KSR1: variants seen among roughly 807,000 people sequenced by gnomAD.
The protein encoded by KSR1 is kinase suppressor of ras.
A neutral mutation model predicts 92.9 loss-of-function variants in KSR1; 35 were observed. The observed-to-expected ratio is 0.38, with a 90% CI of 0.29 to 0.50. The LOEUF (loss-of-function observed/expected upper bound fraction) is 0.50. Ranked by LOEUF, KSR1 falls within the 20% of genes least tolerant of loss-of-function variation. The pLI is 0.94. For missense variants in KSR1, 972 were observed against 1,158.5 expected (o/e 0.84, Z 2.34); for synonymous variants, 467 against 472.6 (o/e 0.99, Z 0.15).
At position 27,592,538 on chromosome 17, in the gene KSR1, C is replaced by T. The variant is rs1296189884; in HGVS notation, c.1211C>T (p.Thr404Ile). The stretch of plus-strand genomic sequence containing the variant: ...CAAACAGTAACTCGGCTTCGGAGGA[C>T]AGAATCTGTCCCCTCGGACATCAAC... ...SFLPLTRLRR[T>I]ESVPSDINNP... Residue 404 changes from threonine (T) to isoleucine (I), a missense_variant, in exon 9 of 21, where the codon ACA becomes ATA. Around this residue, in one of 5 missense-constraint regions of KSR1, gnomAD observed 611 missense variants for 668.0 expected, o/e 0.91. Transcript: ENST00000644974. The T allele has an allele frequency of 6.2e-7, 1 of 1,613,994 alleles. No individual in the cohort carries two copies. Among genetic ancestry groups the T allele is most frequent in the Non-Finnish European group, 8.5e-7 (1 of 1,179,878 alleles).
At chr17:27,571,351 A>G (rs1366755792) in intron 2 of KSR1, among the ~76,000 whole-genome samples, 1 of 152,202 alleles carries the variant, frequency 6.6e-6, no homozygotes, top group Non-Finnish European at 1.5e-5. Context: ...CTCCCTCTCC[A>G]TGAGCCCCAA....
chr17:27,460,435 C>G (rs138460921), intron 1 of KSR1, among the ~76,000 whole-genome samples: 1 of 152,284 alleles, frequency 6.6e-6, no homozygotes, highest in Non-Finnish European at 1.5e-5. Flanking sequence ...GAGAAAAATC[C>G]CTCCTAAGCA....
chr17:27,484,286 C>T (rs138813773), intron 1 of KSR1, among the ~76,000 whole-genome samples: 1 of 152,340 alleles, frequency 6.6e-6, no homozygotes, highest in East Asian at 1.9e-4. Context: ...GGCTGGAGTG[C>T]AGTGGCACAA....
chr17:27,608,877 G>C (rs1450389849), intron 15 of KSR1, among the ~76,000 whole-genome samples: 1 of 152,052 alleles, frequency 6.6e-6, no homozygotes, highest in Non-Finnish European at 1.5e-5. Context: ...CACTGTCCCT[G>C]ACCCCCCGGC....
At chr17:27,527,028 G>T in intron 1 of KSR1, 1 of 481,050 alleles carries the variant, frequency 2.1e-6, no homozygotes, top group Non-Finnish European at 3.9e-6. Flanking sequence ...TTTGAAATCC[G>T]GCAGGGACAG....
chr17:27,617,405 T>A lies in KSR1; in HGVS notation c.2604T>A (p.Pro868=). ...AGCTGAACCGGCGGCTCTCCCACCCTGGACACTTCTGGAAGTCAGCTGAGT... is the reference window on the plus strand; with the variant it reads ...AGCTGAACCGGCGGCTCTCCCACCCAGGACACTTCTGGAAGTCAGCTGAGT... ...LPKLNRRLSH[P]GHFWKSADRW... Residue 868 remains proline (P), a synonymous_variant, in exon 19 of 21, where the codon CCT becomes CCA. Transcript: ENST00000644974. The A allele has an allele frequency of 6.2e-7, 1 of 1,611,686 alleles. No individual in the cohort carries two copies. The highest frequency in any genetic ancestry group is 8.5e-7 in the Non-Finnish European group (1 of 1,178,284).
intron 1 of KSR1, among the ~76,000 whole-genome samples, chr17:27,496,268 G>A (rs541228474): frequency 1.3e-5 from 2 of 152,330 alleles, no homozygotes; most frequent in South Asian, 4.1e-4. Context: ...ACTGGAGAGA[G>A]CCATGATGCT....
intron 2 of KSR1, among the ~76,000 whole-genome samples, chr17:27,552,171 G>T (rs889531611): frequency 2.0e-5 from 3 of 152,054 alleles, no homozygotes; most frequent in Non-Finnish European, 4.4e-5. Flanking sequence ...TCTCGCCTGC[G>T]CACCTGAGTT....
At chr17:27,530,074 G>A (rs565418002) in intron 1 of KSR1, among the ~76,000 whole-genome samples, 10 of 152,282 alleles carry the variant, frequency 6.6e-5, no homozygotes, top group African/African-American at 1.9e-4. Context: ...TCCCACACCC[G>A]TCAGCAAAAT....
chr17:27,559,719 G>A lies in KSR1; in HGVS notation c.372+9011G>A, dbSNP rs2071744054. 6.6e-6 allele frequency among the ~76,000 whole-genome samples: 1 copy of A among 152,216 alleles called. No homozygotes were observed. The highest frequency in any genetic ancestry group is 1.5e-5 in the Non-Finnish European group (1 of 68,044). On this transcript the variant is annotated intron_variant, in intron 2 of 20. Coordinates refer to ENST00000644974, the MANE Select transcript of KSR1 (RefSeq NM_001394583.1). This position sits in a 1 kb window ranked among gnomAD's most constrained non-coding sequence, Gnocchi z 4.2. ...TGGAGCCAGTGGGCCAACTCATCCT[G>A]GGTAGTCAGGGAAAGACGGATGTCC... is the stretch of plus-strand genomic sequence containing the variant.
chr17:27,531,871 C>T (rs975701260), intron 1 of KSR1, among the ~76,000 whole-genome samples: 1 of 152,176 alleles, frequency 6.6e-6, no homozygotes, highest in Non-Finnish European at 1.5e-5. Flanking sequence ...ATTTTATACA[C>T]TTCTCAAAAC....
chr17:27,497,000 C>T (rs1277860768), intron 1 of KSR1, among the ~76,000 whole-genome samples: 2 of 152,160 alleles, frequency 1.3e-5, no homozygotes, highest in African/African-American at 4.8e-5. Flanking sequence ...AGAAAGCATC[C>T]GACCCTTCCT....
rs1232817349 is a variant in KSR1, at chr17:27,559,679, CG to C, written c.372+8974del. Among the ~76,000 whole-genome samples, 1 of 152,194 alleles carries C rather than the reference CG, an allele frequency of 6.6e-6. No individual in the cohort carries two copies. Among genetic ancestry groups the C allele is most frequent in the East Asian group, 1.9e-4 (1 of 5,204 alleles). On this transcript the variant is annotated intron_variant, in intron 2 of 20. Coordinates refer to ENST00000644974, the MANE Select transcript of KSR1 (RefSeq NM_001394583.1). This position sits in a 1 kb window ranked among gnomAD's most constrained non-coding sequence, Gnocchi z 4.2. ...AGAGCCCCAGATGCCCTGATGGCTC[CG>C]GGATGGGATCTGTTGGAGCCAGTGG...
chr17:27,561,675 C>A (rs1291077748), intron 2 of KSR1, among the ~76,000 whole-genome samples: 1 of 152,156 alleles, frequency 6.6e-6, no homozygotes, highest in East Asian at 1.9e-4. Flanking sequence ...AGTTCCTGTC[C>A]TTCTGGAACT....
intron 2 of KSR1, among the ~76,000 whole-genome samples, chr17:27,576,309 AAT>A (rs987840682): frequency 1.3e-5 from 2 of 151,404 alleles, no homozygotes; most frequent in Admixed American, 6.6e-5. Context: ...GATAGTACTG[AAT>A]ATATATATAT....
intron 1 of KSR1, among the ~76,000 whole-genome samples, chr17:27,490,534 G>A (rs9893890): frequency 5.9e-5 from 9 of 152,154 alleles, no homozygotes; most frequent in African/African-American, 1.9e-4. Context: ...AAGCTGTACT[G>A]GTAGGAGGAT....
intron 1 of KSR1, among the ~76,000 whole-genome samples, chr17:27,517,142 T>A (rs2069828784): frequency 6.6e-6 from 1 of 152,200 alleles, no homozygotes; most frequent in South Asian, 2.1e-4. Context: ...CCTGAAAAGA[T>A]TAACTGAGAT....
intron 1 of KSR1, among the ~76,000 whole-genome samples, chr17:27,500,132 A>G (rs2069125127): frequency 6.6e-6 from 1 of 152,218 alleles, no homozygotes; most frequent in Non-Finnish European, 1.5e-5. Context: ...CTGAGCCAGG[A>G]TGGATGACCA....
intron 1 of KSR1, among the ~76,000 whole-genome samples, chr17:27,511,874 T>C (rs2151002864): frequency 6.6e-6 from 1 of 152,320 alleles, no homozygotes; most frequent in African/African-American, 2.4e-5. Context: ...AAACTAGTTT[T>C]TGGTGTTAGG....
Sources: gnomAD v4.1 joint callset for allele counts (sites outside exome capture counted in the v4.1 genomes callset) on GRCh38, gnomAD v4.1.1 for gene constraint, gnomAD v4.1.1 regional missense constraint, Gnocchi (gnomAD v3.1) non-coding constraint, MANE v1.5 for transcripts, NCBI Gene and HGNC (gene_info 2026-07-23, HGNC 2026-07-21) for gene names.